Variants in IL7 observed in about 807,000 individuals in gnomAD.
IL7 encodes the protein interleukin 7.
A neutral mutation model predicts 21.6 loss-of-function variants in IL7; 3 were observed. The ratio of observed to expected loss-of-function variants is 0.14; its 90% CI spans 0.06 to 0.36. IL7 has a LOEUF of 0.36. IL7 is among the 10% of genes least tolerant of loss of function. IL7 has a pLI of 1.00. For missense variants in IL7, 175 were observed against 200.2 expected, an observed-to-expected ratio of 0.87 and a Z score of 0.76; for synonymous variants, 62 against 68.1, an observed-to-expected ratio of 0.91 and a Z score of 0.44.
chr8:78,740,902 A>G (rs1331982826), intron 2 of IL7, among the ~76,000 whole-genome samples: 4 of 152,270 alleles, frequency 2.6e-5, no homozygotes, highest in African/African-American at 9.6e-5. Flanking sequence ...TAGTAGAAGA[A>G]GGTAGAGATT....
At chr8:78,701,992 T>G (rs1810620245) in intron 3 of IL7, among the ~76,000 whole-genome samples, 1 of 152,196 alleles carries the variant, frequency 6.6e-6, no homozygotes, top group African/African-American at 2.4e-5. Context: ...CCTTATAGAA[T>G]GAACTAGAGT....
intron 2 of IL7, among the ~76,000 whole-genome samples, chr8:78,791,813 C>T (rs956507845): frequency 6.6e-6 from 1 of 152,068 alleles, no homozygotes; most frequent in Non-Finnish European, 1.5e-5. Context: ...CTGTCCATGC[C>T]ACTCACTGGA....
At chr8:78,683,361 C>T (rs1197476040) in intron 4 of IL7, among the ~76,000 whole-genome samples, 1 of 152,252 alleles carries the variant, frequency 6.6e-6, no homozygotes, top group African/African-American at 2.4e-5. Flanking sequence ...TCTCTGAAAT[C>T]TAGTCAGAGG....
At chr8:78,779,419 C>G (rs181127143) in intron 2 of IL7, among the ~76,000 whole-genome samples, 1 of 152,178 alleles carries the variant, frequency 6.6e-6, no homozygotes, top group Non-Finnish European at 1.5e-5. Flanking sequence ...CCATCAATAT[C>G]TAGTTTATTG....
At chr8:78,697,229 C>T (rs1040156043) in intron 3 of IL7, among the ~76,000 whole-genome samples, 2 of 152,134 alleles carry the variant, frequency 1.3e-5, no homozygotes, top group Non-Finnish European at 2.9e-5. Context: ...TCAGTGTATA[C>T]TTACAAGTGT....
chr8:78,734,059 A>G (rs924702663), intron 5 of IL7, among the ~76,000 whole-genome samples: 7 of 152,178 alleles, frequency 4.6e-5, no homozygotes, highest in South Asian at 2.1e-4. Flanking sequence ...CCAAAGAGCT[A>G]TATCAGCTGA....
In IL7 at chr8:78,736,503, G is replaced by C; in HGVS notation, c.385C>G (p.Leu129Val). 6.2e-7 allele frequency: 1 copy of C among 1,603,446 alleles called. No individual in the cohort carries two copies. ...CTCTTTGTTGGTTGGGCTTCACCCA[G>C]GGCAGCTGGTTTTCTTCCTTTAACC... The part of the protein sequence containing the change: ...GQVKGRKPAA[L>V]GEAQPTKSLE... The change falls in exon 5 of 6, where the codon CTG becomes GTG. Residue 129 changes from leucine to valine, a missense_variant. By Grantham distance (32) the Leu-to-Val change is conservative (BLOSUM62 1). Transcript: ENST00000263851.
chr8:78,697,332 T>C (rs1810455083), intron 3 of IL7: 5 of 1,200,426 alleles, frequency 4.2e-6, no homozygotes, highest in Non-Finnish European at 5.8e-6. Flanking sequence ...CAAAGAATGT[T>C]AAGTTTTGAA....
chr8:78,700,297 C>T (rs1810558121), intron 3 of IL7, among the ~76,000 whole-genome samples: 2 of 152,070 alleles, frequency 1.3e-5, no homozygotes, highest in South Asian at 4.2e-4. Context: ...GTCTGTTGTC[C>T]ACTTTTTAAT....
At chr8:78,796,922 C>T (rs941747216) in intron 2 of IL7, among the ~76,000 whole-genome samples, 15 of 151,936 alleles carry the variant, frequency 9.9e-5, no homozygotes, top group Non-Finnish European at 1.9e-4. Context: ...GAGTTGAAAA[C>T]TTATGTCCAC....
chr8:78,804,775 G>A (rs1191432946), intron 1 of IL7, 138 bp downstream of exon 1: 1 of 922,958 alleles, frequency 1.1e-6, no homozygotes, highest in African/African-American at 1.7e-5. Flanking sequence ...CCATGGGAGA[G>A]CCAGTGCTCT....
chr8:78,711,945 G>A (rs1473733422), intron 3 of IL7: 11 of 1,171,204 alleles, frequency 9.4e-6, no homozygotes, highest in Non-Finnish European at 1.2e-5. Flanking sequence ...ATATAAAGAA[G>A]CAGTAGCAAT....
intron 3 of IL7, among the ~76,000 whole-genome samples, chr8:78,692,973 C>T (rs1810261620): frequency 6.6e-6 from 1 of 152,004 alleles, no homozygotes; most frequent in Non-Finnish European, 1.5e-5. Flanking sequence ...TGAGTGAGAA[C>T]ATGCGGTGTT....
downstream of IL7, among the ~76,000 whole-genome samples, chr8:78,716,978 A>G (rs1038855869): frequency 6.6e-6 from 1 of 152,008 alleles, no homozygotes; most frequent in African/African-American, 2.4e-5. Flanking sequence ...GGCCTCCCCA[A>G]CCAAGCTTTC....
rs1253209559 is a variant in IL7, at chr8:78,735,288, T to TG, written c.414+1185_414+1186insC. Among the ~76,000 whole-genome samples the TG allele has an allele frequency of 3.0e-4, 37 of 123,274 alleles. 1 individual carries two copies. Among genetic ancestry groups the TG allele is most frequent in the African/African-American group, 1.3e-3 (37 of 28,518 alleles). The allele number at this position is 123,274 out of a possible 152,430, so 80.9% of individuals were successfully genotyped here. The stretch of plus-strand genomic sequence containing the variant: ...TATCTTTTCTTTTCTTTTTTTTTTT[T>TG]TTTTGTTTTTTTTTTTTTGCTCTGT... On this transcript the variant is annotated intron_variant, in intron 5 of 5. Coordinates refer to ENST00000263851, the MANE Select transcript of IL7 (RefSeq NM_000880.4).
intron 2 of IL7, among the ~76,000 whole-genome samples, chr8:78,743,099 A>G (rs1217247373): frequency 6.6e-6 from 1 of 152,166 alleles, no homozygotes; most frequent in Non-Finnish European, 1.5e-5. Context: ...ATAGTGTTCC[A>G]TGGTGTATAC....
At chr8:78,790,874 C>T (rs925694496) in intron 2 of IL7, among the ~76,000 whole-genome samples, 8 of 150,524 alleles carry the variant, frequency 5.3e-5, no homozygotes, top group Non-Finnish European at 1.2e-4. Flanking sequence ...AACATTATTA[C>T]GAAAATGATG....
intron 3 of IL7, among the ~76,000 whole-genome samples, chr8:78,707,411 G>A (rs1354793830): frequency 1.3e-5 from 2 of 152,292 alleles, no homozygotes; most frequent in East Asian, 3.9e-4. Context: ...ATAGCTTTGG[G>A]CATGTATCTC....
At chr8:78,698,606 C>T in intron 3 of IL7, 1 of 946,404 alleles carries the variant, frequency 1.1e-6, no homozygotes, top group East Asian at 3.0e-5. Context: ...CATTCATCTT[C>T]ATTTCCTAAG....
Sources: gnomAD v4.1 joint callset for allele counts (sites outside exome capture counted in the v4.1 genomes callset) on GRCh38, gnomAD v4.1.1 for gene constraint, MANE v1.5 for transcripts, NCBI Gene and HGNC (gene_info 2026-07-23, HGNC 2026-07-21) for gene names.